MYL5: variants seen among roughly 807,000 people sequenced by gnomAD.
MYL5 encodes the protein myosin light chain 5.
A neutral mutation model predicts 20.8 loss-of-function variants in MYL5; 28 were observed. That is an observed-to-expected ratio of 1.35 (90% confidence interval 1.00 to 1.84). The LOEUF (loss-of-function observed/expected upper bound fraction) is 1.84, where lower values mean the gene tolerates loss of function less well. MYL5 is among the 40% of genes most tolerant of loss of function. MYL5 has a pLI of 0.00. For synonymous variants in MYL5, 118 were observed against 87.4 expected, an observed-to-expected ratio of 1.35 and a Z score of -1.95; for missense variants, 274 against 227.3, an observed-to-expected ratio of 1.21 and a Z score of -1.32.
intron 3 of MYL5, 85 bp downstream of exon 5, chr4:679,118 C>G (rs752220129): frequency 8.9e-7 from 1 of 1,126,770 alleles, no homozygotes; most frequent in Non-Finnish European, 1.2e-6. Context: ...GGCCCCTCCT[C>G]GAATGGAGCC....
intron 3 of MYL5, 42 bp downstream of exon 5, chr4:679,075 C>T (rs375462955): frequency 7.8e-5 from 123 of 1,572,140 alleles, no homozygotes; most frequent in Non-Finnish European, 9.5e-5. Flanking sequence ...TTGGAGGAGG[C>T]GAACACAGAG....
rs765368805 is a variant in MYL5, at chr4:679,034, G to T, written c.187+1G>T. On this transcript the variant is annotated splice_donor_variant, in intron 3 of 6. Transcript: ENST00000400159. LOFTEE classifies it high-confidence loss of function. ...CTGAAGGACACCTATGCCTCCCTGG[G>T]TAGGTACCCAGGCAGAACGCCTCAG... 2 of 1,613,460 alleles carry T rather than the reference G, an allele frequency of 1.2e-6. No homozygotes were observed. Among genetic ancestry groups the T allele is most frequent in the Admixed American group, 1.7e-5 (1 of 60,016 alleles).
chr4:677,891 C>T, upstream of MYL5: 2 of 1,484,982 alleles, frequency 1.3e-6, no homozygotes, highest in Non-Finnish European at 1.9e-6. Context: ...CTGTCCAGTC[C>T]CCTGGGGTAG....
upstream of MYL5, among the ~76,000 whole-genome samples, chr4:677,676 G>A (rs1738983918): frequency 6.6e-6 from 1 of 152,164 alleles, no homozygotes; most frequent in Non-Finnish European, 1.5e-5. Context: ...GCAGTTCCAG[G>A]GTGCCCAGGC....
chr4:677,830 G>A, upstream of MYL5: 1 of 838,472 alleles, frequency 1.2e-6, no homozygotes, highest in East Asian at 2.6e-5. Context: ...TGCGGGGTGA[G>A]GCAGGGCAAG....
rs1046748499 is a variant in MYL5, at chr4:680,701, C to G, written c.371+114C>G. ...GCCACGCCCACCTCCCCACCTCTGA[C>G]CAGCTTCAGGGCCATGAGGAGCGAA... On this transcript the variant is annotated intron_variant, in intron 5 of 6. Coordinates refer to ENST00000400159, the Ensembl canonical transcript of MYL5. 6 of 1,109,674 alleles carry G rather than the reference C, an allele frequency of 5.4e-6. No homozygotes were observed. The African/African-American group carries it at 9.4e-5, about 17-fold the overall frequency. The allele number at this position is 1,109,674 out of a possible 1,614,324, so 68.7% of individuals were successfully genotyped here.
chr4:676,915 G>A (rs1738895893), upstream of MYL5: 4 of 985,390 alleles, frequency 4.1e-6, no homozygotes, highest in Non-Finnish European at 4.8e-6. Flanking sequence ...CGCTGGACCT[G>A]GGGATGGCAC....
chr4:674,547 C>T (rs879657316), upstream of MYL5: 5 of 477,740 alleles, frequency 1.0e-5, no homozygotes, highest in Non-Finnish European at 1.9e-5. Flanking sequence ...GTTTCCTTTC[C>T]CCGCAGGGCT....
intron 6 of MYL5, 24 bp downstream of exon 8, chr4:681,164 A>G: frequency 5.0e-6 from 8 of 1,597,822 alleles, no homozygotes; most frequent in Non-Finnish European, 5.1e-6. Flanking sequence ...CTTCCCTGCC[A>G]AGCCCACGAG....
At chr4:681,823 G>T (rs1450808616) in intron 6 of MYL5, 70 bp from the exon 9 acceptor site, 4 of 1,268,604 alleles carry the variant, frequency 3.2e-6, no homozygotes, top group African/African-American at 3.1e-5. Context: ...CCACACCCGG[G>T]GCCGCTGCAG....
chr4:674,549 C>A, upstream of MYL5: 1 of 472,338 alleles, frequency 2.1e-6, no homozygotes, highest in Non-Finnish European at 3.8e-6. Context: ...TTCCTTTCCC[C>A]GCAGGGCTGG....
Position 682,019 on chromosome 4 carries a change from G to T in MYL5, c.*25G>T. 3.5e-6 allele frequency: 5 copies of T among 1,426,612 alleles called. No homozygotes were observed. The East Asian group carries it at 8.2e-5, about 23-fold the overall frequency. 88.4% of individuals were successfully genotyped at this position (1,426,612 alleles called of 1,614,324 possible). A position where few individuals can be genotyped will look rare whatever the true frequency, so the allele number is the denominator to read the frequency against. ...AGACCCAGCCGGGTCAATAAACCTG[G>T]ACGCTTGGACCCTGCCTGCGAGTCT... is the stretch of plus-strand genomic sequence containing the variant. On this transcript the variant is annotated 3_prime_UTR_variant, in exon 7 of 7. Coordinates refer to ENST00000400159, the Ensembl canonical transcript of MYL5.
In MYL5 at chr4:681,880, C is replaced by A. The variant is rs369359939; in HGVS notation, c.421-13C>A. 41 of 1,312,736 alleles carry A rather than the reference C, an allele frequency of 3.1e-5. No individual in the cohort carries two copies. Among genetic ancestry groups the A allele is most frequent in the Admixed American group, 6.2e-5 (2 of 32,354 alleles). The allele number at this position is 1,312,736 out of a possible 1,614,324, so 81.3% of individuals were successfully genotyped here. ...CCGGAGCCCGCAAGGAGCCCTTTCG[C>A]CCCCGCCCGCAGGTGGACCAGATGT... On this transcript the variant is annotated splice_polypyrimidine_tract_variant and intron_variant, in intron 6 of 6. Transcript: ENST00000400159.
intron 5 of MYL5, chr4:680,846 G>C: frequency 1.6e-6 from 1 of 633,436 alleles, no homozygotes; most frequent in South Asian, 1.9e-5. Flanking sequence ...CCTGCTAGGC[G>C]CCGGGGAAAG....
At position 678,646 on chromosome 4, in the gene MYL5, C is replaced by T. The variant is rs771817027; in HGVS notation, c.4-12C>T. 17 of 1,597,380 alleles carry T rather than the reference C, an allele frequency of 1.1e-5. No individual in the cohort carries two copies. The highest frequency in any genetic ancestry group is 1.4e-5 in the Non-Finnish European group (16 of 1,172,792). ...CAGCCCAGGACCCTCAGCCATGGTGCTCCCACCGCAGGCCAGCAGGAAGAC... is the reference window on the plus strand; with the variant it reads ...CAGCCCAGGACCCTCAGCCATGGTGTTCCCACCGCAGGCCAGCAGGAAGAC... On this transcript the variant is annotated splice_polypyrimidine_tract_variant and intron_variant, in intron 1 of 6. Transcript: ENST00000400159.
intron 2 of MYL5, 67 bp from the exon 5 acceptor site, chr4:678,891 C>T (rs924816070): frequency 1.3e-5 from 21 of 1,608,268 alleles, no homozygotes; most frequent in Middle Eastern, 3.3e-4. Flanking sequence ...GCTGAGGAAC[C>T]GGGAGCAGGG....
chr4:680,070 G>C, intron 4 of MYL5, 52 bp downstream of exon 6: 1 of 1,428,074 alleles, frequency 7.0e-7, no homozygotes. Flanking sequence ...CTAACAGTTA[G>C]AGATCCGGAC....
At chr4:677,039 C>T (rs1176667188), upstream of MYL5, 5 of 543,170 alleles carry the variant, frequency 9.2e-6, no homozygotes, top group Non-Finnish European at 1.2e-5. Flanking sequence ...GACACGGTGG[C>T]GCCCCCAGGG....
rs1324206075 is a variant in MYL5, at chr4:679,831, C to CCTGGCCCTGTGCTGGGGT, written c.188-81_188-64dup. On this transcript the variant is annotated intron_variant, in intron 3 of 6. Coordinates refer to ENST00000400159, the Ensembl canonical transcript of MYL5. ...CCTCCCCACCCTTCCCATCTGCCTG[C>CCTGGCCCTGTGCTGGGGT]CTGGCCCTGTGCTGGGGTCACCTGC... 1.5e-4 allele frequency: 176 copies of CCTGGCCCTGTGCTGGGGT among 1,199,316 alleles called. 3 individuals carry two copies. In the Admixed American group the frequency reaches 3.3e-3, roughly 22 times the overall value. The allele number at this position is 1,199,316 out of a possible 1,614,324, so 74.3% of individuals were successfully genotyped here. A position where few individuals can be genotyped will look rare whatever the true frequency, so the allele number is the denominator to read the frequency against.
Sources: gnomAD v4.1 joint callset for allele counts (sites outside exome capture counted in the v4.1 genomes callset) on GRCh38, gnomAD v4.1.1 for gene constraint, MANE v1.5 for transcripts, NCBI Gene and HGNC (gene_info 2026-07-23, HGNC 2026-07-21) for gene names.